NFIB: variants seen among roughly 807,000 people sequenced by gnomAD.
NFIB encodes nuclear factor 1 B-type.
In NFIB, 11 loss-of-function variants were observed where a neutral mutation model predicts 61.5. The ratio of observed to expected loss-of-function variants is 0.18; its 90% CI spans 0.11 to 0.30. The LOEUF is 0.30. Among genes scored for constraint, NFIB ranks in the 10% least tolerant of loss-of-function variants. The probability of loss-of-function intolerance (pLI) is 1.00; values close to 1 mark genes in which losing one functional copy is unlikely to be tolerated. For synonymous variants in NFIB, 260 were observed against 216.5 expected, an observed-to-expected ratio of 1.20 and a Z score of -1.76; for missense variants, 471 against 608.9, an observed-to-expected ratio of 0.77 and a Z score of 2.38.
chr9:14,390,512 C>T (rs966003571), intron 1 of NFIB, among the ~76,000 whole-genome samples: 1 of 146,762 alleles, frequency 6.8e-6, no homozygotes, highest in Non-Finnish European at 1.5e-5. Context: ...TCTCAACAGA[C>T]AAAGTTGTCA....
chr9:14,343,042 G>T (rs993186954), intron 1 of NFIB, among the ~76,000 whole-genome samples: 2 of 151,864 alleles, frequency 1.3e-5, no homozygotes, highest in Non-Finnish European at 2.9e-5. Flanking sequence ...TGCCTAGTGA[G>T]CATGGCCGGG....
chr9:14,465,632 C>A, the NFIB span, among the ~76,000 whole-genome samples: 3 of 151,346 alleles, frequency 2.0e-5, no homozygotes, highest in Admixed American at 6.6e-5. Flanking sequence ...CAGCTATGGG[C>A]CCTTCTTGGC....
At chr9:14,426,523 T>G in the NFIB span, among the ~76,000 whole-genome samples, 1 of 152,244 alleles carries the variant, frequency 6.6e-6, no homozygotes, top group Non-Finnish European at 1.5e-5. Flanking sequence ...AATATATGTT[T>G]GCTAACTGAT....
At chr9:14,204,441 G>A (rs984423096) in intron 2 of NFIB, 61 of 1,104,490 alleles carry the variant, frequency 5.5e-5, no homozygotes, top group Middle Eastern at 2.8e-4. Context: ...AGGTTGCAGC[G>A]GCAGAGAGTC....
intron 6 of NFIB, among the ~76,000 whole-genome samples, chr9:14,132,281 T>C (rs1219579333): frequency 6.6e-6 from 1 of 152,174 alleles, no homozygotes. Flanking sequence ...AAAGTGTAAT[T>C]ATTTTACATA....
At chr9:14,093,247 A>G (rs774769383) in intron 10 of NFIB, among the ~76,000 whole-genome samples, 60 of 152,136 alleles carry the variant, frequency 3.9e-4, no homozygotes, top group Non-Finnish European at 7.2e-4. Context: ...AATGGATGAG[A>G]TAACACACTA....
At chr9:14,432,150 G>A in the NFIB span, among the ~76,000 whole-genome samples, 1 of 152,218 alleles carries the variant, frequency 6.6e-6, no homozygotes, top group Admixed American at 6.5e-5. Context: ...CCTGACCAAA[G>A]GTAAGCCAAT....
At chr9:14,089,282 G>T (rs1265125435) in intron 10 of NFIB, among the ~76,000 whole-genome samples, 1 of 151,672 alleles carries the variant, frequency 6.6e-6, no homozygotes, top group African/African-American at 2.4e-5. Context: ...TTGGGGGTTG[G>T]GGGTGTTGGA....
upstream of NFIB, among the ~76,000 whole-genome samples, chr9:14,314,762 G>C (rs1244042076): frequency 7.7e-6 from 1 of 129,562 alleles, no homozygotes; most frequent in East Asian, 2.2e-4. Flanking sequence ...ATTTGTTAAA[G>C]GTATCCTACC....
At chr9:14,454,190 A>G in the NFIB span, among the ~76,000 whole-genome samples, 2 of 152,250 alleles carry the variant, frequency 1.3e-5, no homozygotes, top group South Asian at 4.1e-4. Context: ...GTTGTCATTT[A>G]GGACTCCTCA....
intron 10 of NFIB, among the ~76,000 whole-genome samples, chr9:14,111,902 T>C (rs1322805793): frequency 6.6e-6 from 1 of 152,170 alleles, no homozygotes; most frequent in South Asian, 2.1e-4. Flanking sequence ...ACCTCTAATA[T>C]GCAGTCTGCC....
chr9:14,397,965 T>C (rs16931706), intron 1 of NFIB, among the ~76,000 whole-genome samples: 6,767 of 152,218 alleles, frequency 0.044, 262 homozygotes, highest in African/African-American at 0.094. Flanking sequence ...ATAACATTTG[T>C]AGTAATGGCC....
chr9:14,281,833 G>T (rs1212268385), intron 2 of NFIB, among the ~76,000 whole-genome samples: 1 of 151,394 alleles, frequency 6.6e-6, no homozygotes, highest in Non-Finnish European at 1.5e-5. Flanking sequence ...ACACACACAC[G>T]TGCACACCCC....
intron 2 of NFIB, among the ~76,000 whole-genome samples, chr9:14,288,356 TAATC>T (rs151286063): frequency 0.29 from 44,209 of 151,708 alleles, 7,385 homozygotes; most frequent in Middle Eastern, 0.38. Context: ...AAAAAGAGAT[TAATC>T]AATCAAAGCC....
chr9:14,433,641 G>C, the NFIB span, among the ~76,000 whole-genome samples: 1 of 152,106 alleles, frequency 6.6e-6, no homozygotes. Context: ...CAGACTTGAC[G>C]AGTCTGCTCA....
At chr9:14,169,886 C>G (rs974702845) in intron 3 of NFIB, among the ~76,000 whole-genome samples, 1 of 152,154 alleles carries the variant, frequency 6.6e-6, no homozygotes, top group African/African-American at 2.4e-5. Context: ...CCTAGATACG[C>G]TTTCATAGTC....
At chr9:14,378,513 C>T (rs1284944991) in intron 1 of NFIB, among the ~76,000 whole-genome samples, 2 of 152,158 alleles carry the variant, frequency 1.3e-5, no homozygotes, top group South Asian at 2.1e-4. Flanking sequence ...CGCGCCACCA[C>T]GCCCAGCTAG....
chr9:14,118,493 C>T (rs2038457388), intron 8 of NFIB, among the ~76,000 whole-genome samples: 1 of 152,000 alleles, frequency 6.6e-6, no homozygotes, highest in South Asian at 2.1e-4. Context: ...GAAAGAATTC[C>T]CAAGTCAATG....
intron 1 of NFIB, among the ~76,000 whole-genome samples, chr9:14,394,271 G>A (rs1438087212): frequency 2.6e-5 from 4 of 152,168 alleles, no homozygotes; most frequent in African/African-American, 7.2e-5. Context: ...GGACATATAT[G>A]CTCATAGAGT....
Sources: allele counts gnomAD v4.1 joint callset (sites outside exome capture counted in the v4.1 genomes callset), GRCh38; gene constraint gnomAD v4.1.1; transcripts MANE v1.5; gene names NCBI Gene and HGNC (gene_info 2026-07-23, HGNC 2026-07-21).